Variants in ZKSCAN3 observed in about 807,000 individuals in gnomAD.
ZKSCAN3 encodes the protein zinc finger with KRAB and SCAN domains 3.
A neutral mutation model predicts 30.7 loss-of-function variants in ZKSCAN3; 21 were observed. The ratio of observed to expected loss-of-function variants is 0.68; its 90% CI spans 0.49 to 0.99. The LOEUF (loss-of-function observed/expected upper bound fraction) is 0.99. Among genes scored for constraint, ZKSCAN3 ranks in the 50% least tolerant of loss-of-function variants. ZKSCAN3 has a pLI of 0.00. For synonymous variants in ZKSCAN3, 201 were observed against 246.7 expected, an observed-to-expected ratio of 0.81 and a Z score of 1.73; for missense variants, 507 against 647.1, an observed-to-expected ratio of 0.78 and a Z score of 2.35.
chr6:28,353,132 C>A (rs1765169799), intron 1 of ZKSCAN3, among the ~76,000 whole-genome samples: 1 of 151,994 alleles, frequency 6.6e-6, no homozygotes, highest in Non-Finnish European at 1.5e-5. Flanking sequence ...TCACGCCCAG[C>A]TAATTTTTGT....
At chr6:28,365,194 T>C (rs1765909637) in intron 5 of ZKSCAN3, among the ~76,000 whole-genome samples, 1 of 152,184 alleles carries the variant, frequency 6.6e-6, no homozygotes, top group African/African-American at 2.4e-5. Context: ...CACCGTCTTC[T>C]ACCCACTCCC....
rs530750921 is a variant in ZKSCAN3 at position 28,365,989 on chromosome 6, C to T, written c.1321C>T (p.Leu441Phe). ...CGKAFRRSSHLLRHQRIHTGD... is the reference protein window; with the variant it reads ...CGKAFRRSSHFLRHQRIHTGD... Reference sequence around the variant, plus strand: ...CAAAGCCTTTAGGCGAAGTTCACATCTCCTGAGACATCAGAGGATCCATAC... The same window carrying T: ...CAAAGCCTTTAGGCGAAGTTCACATTTCCTGAGACATCAGAGGATCCATAC... The change falls in exon 6 of 6, where the codon CTC becomes TTC. Residue 441 changes from leucine to phenylalanine, a missense_variant. Transcript: ENST00000252211. 2 of 1,614,152 alleles carry T rather than the reference C, an allele frequency of 1.2e-6. No homozygotes were observed. Among genetic ancestry groups the T allele is most frequent in the African/African-American group, 2.7e-5 (2 of 75,062 alleles).
intron 4 of ZKSCAN3, 76 bp from the exon 5 acceptor site, chr6:28,363,616 G>A: frequency 6.2e-7 from 1 of 1,600,018 alleles, no homozygotes; most frequent in Non-Finnish European, 8.5e-7. Flanking sequence ...AATGGGGCCT[G>A]GGGGTGCTTC....
rs944370999 is a variant in ZKSCAN3, at chr6:28,351,746, C to T, written c.-63+1679C>T. Among the ~76,000 whole-genome samples the T allele has an allele frequency of 6.6e-6, 1 of 151,140 alleles. No homozygotes were observed. On this transcript the variant is annotated intron_variant, in intron 1 of 5. Transcript: ENST00000252211. The surrounding 1 kb of genome is among the most constrained non-coding windows in gnomAD (Gnocchi z 4.6). The stretch of plus-strand genomic sequence containing the variant: ...CCTTTCCTTCCCTCCCTCTCCCCCT[C>T]TTTATCTCTTTTTTTTCCTCATTTC...
chr6:28,358,105 C>CTTT (rs1244559519), intron 1 of ZKSCAN3, among the ~76,000 whole-genome samples: 1 of 152,032 alleles, frequency 6.6e-6, no homozygotes, highest in Non-Finnish European at 1.5e-5. Context: ...CCGGGATCCC[C>CTTT]AATGATACCA....
intron 1 of ZKSCAN3, among the ~76,000 whole-genome samples, chr6:28,350,790 T>C (rs1202708051): frequency 6.6e-6 from 1 of 152,184 alleles, no homozygotes; most frequent in African/African-American, 2.4e-5. Context: ...TAAGATACTC[T>C]GAAAAAGAGC....
rs1296433872 is a variant in ZKSCAN3, at chr6:28,366,244, C to T, written c.1576C>T (p.His526Tyr). ...CACCCGAATTTCATACCTTGTTCAACATCAGAGAAGCCATGTAGGGAAAAA... is the reference window on the plus strand; with the variant it reads ...CACCCGAATTTCATACCTTGTTCAATATCAGAGAAGCCATGTAGGGAAAAA... The part of the protein sequence containing the change: ...GFTRISYLVQ[H>Y]QRSHVGKNIL... Residue 526 changes from histidine to tyrosine, a missense_variant, in exon 6 of 6, where the codon CAT (histidine) becomes TAT (tyrosine). Transcript: ENST00000252211. 6.4e-7 allele frequency: 1 copy of T among 1,551,644 alleles called. No individual in the cohort carries two copies. The highest frequency in any genetic ancestry group is 8.7e-7 in the Non-Finnish European group (1 of 1,154,534).
upstream of ZKSCAN3, chr6:28,349,888 C>T (rs957952860): frequency 2.6e-5 from 4 of 152,242 alleles, no homozygotes; most frequent in Non-Finnish European, 1.5e-5. The surrounding 1 kb of genome is among the most constrained non-coding windows in gnomAD (Gnocchi z 4.1). Context: ...CAGAGTCTGT[C>T]AGGGAGGTGG....
chr6:28,356,594 T>A (rs1328514397), intron 1 of ZKSCAN3, among the ~76,000 whole-genome samples: 5 of 152,244 alleles, frequency 3.3e-5, no homozygotes, highest in Non-Finnish European at 5.9e-5. Flanking sequence ...CTCTATTTTC[T>A]GGCAGACCAC....
intron 1 of ZKSCAN3, among the ~76,000 whole-genome samples, chr6:28,358,305 C>T (rs1765559216): frequency 1.3e-5 from 2 of 152,186 alleles, no homozygotes; most frequent in Non-Finnish European, 2.9e-5. Context: ...CTGCCTCTTC[C>T]TCCTGAGTAG....
rs1238486432 is a variant in ZKSCAN3, at chr6:28,366,203, C to A, written c.1535C>A (p.Ala512Glu). 1 of 1,588,150 alleles carries A rather than the reference C, an allele frequency of 6.3e-7. No homozygotes were observed. Among genetic ancestry groups the A allele is most frequent in the East Asian group, 2.2e-5 (1 of 44,796 alleles). Residue 512 changes from alanine (A) to glutamate (E), a missense_variant, in exon 6 of 6, where the codon GCG becomes GAG. By Grantham distance (107) the Ala-to-Glu change is moderately radical. Transcript: ENST00000252211. ...HTGEKPYQCN[A>E]CGKGFTRISY... is the part of the protein sequence containing the mutation. ...GGTGAGAAACCCTATCAGTGTAATGCGTGTGGAAAAGGCTTCACCCGAATT... is the reference window on the plus strand; with the variant it reads ...GGTGAGAAACCCTATCAGTGTAATGAGTGTGGAAAAGGCTTCACCCGAATT...
Position 28,365,818 on chromosome 6 carries a change from G to T in ZKSCAN3, c.1150G>T (p.Asp384Tyr). ...TGGTAAGGCCTTCAGTCATAGCTCA[G>T]ACCTTATCAAGCATCAGAGAACCCA... ...ECGKAFSHSSDLIKHQRTHTG... is the reference protein window; with the variant it reads ...ECGKAFSHSSYLIKHQRTHTG... Residue 384 changes from aspartate to tyrosine, a missense_variant, in exon 6 of 6, where the codon GAC becomes TAC. Physicochemically the swap from Asp to Tyr is radical, Grantham distance 160. Transcript: ENST00000252211. The T allele has an allele frequency of 6.2e-7, 1 of 1,614,126 alleles. No homozygotes were observed. The highest frequency in any genetic ancestry group is 2.2e-5 in the East Asian group (1 of 44,852).
At chr6:28,356,102 G>A (rs1247611746) in intron 1 of ZKSCAN3, 1 of 152,244 alleles carries the variant, frequency 6.6e-6, no homozygotes, top group Non-Finnish European at 1.5e-5. Flanking sequence ...TCAGGTTTAG[G>A]GACCAGTGGC....
At chr6:28,350,857 C>A (rs1764961184) in intron 1 of ZKSCAN3, among the ~76,000 whole-genome samples, 1 of 152,126 alleles carries the variant, frequency 6.6e-6, no homozygotes, top group Non-Finnish European at 1.5e-5. Context: ...TACTCAAACT[C>A]TCAAAGGCTT....
intron 3 of ZKSCAN3, among the ~76,000 whole-genome samples, chr6:28,362,859 A>G (rs996287378): frequency 3.9e-5 from 6 of 152,182 alleles, no homozygotes; most frequent in African/African-American, 1.4e-4. Flanking sequence ...CTAAGGACAT[A>G]CTCACCCAAA....
chr6:28,352,788 T>A (rs1765125947), intron 1 of ZKSCAN3, among the ~76,000 whole-genome samples: 2 of 152,154 alleles, frequency 1.3e-5, no homozygotes, highest in Non-Finnish European at 2.9e-5. Context: ...TTTCTGGTAC[T>A]TTTGATTTGT....
At chr6:28,357,009 C>T (rs1765476654) in intron 1 of ZKSCAN3, among the ~76,000 whole-genome samples, 1 of 152,240 alleles carries the variant, frequency 6.6e-6, no homozygotes, top group African/African-American at 2.4e-5. Context: ...ACTCGAGAGA[C>T]AGCAGGTAGA....
chr6:28,358,467 AT>A (rs916763311), intron 1 of ZKSCAN3, among the ~76,000 whole-genome samples: 146 of 151,056 alleles, frequency 9.7e-4, no homozygotes, highest in African/African-American at 2.3e-3. Context: ...TGTTTTTGTT[AT>A]TTTTTTTTCC....
In ZKSCAN3 at chr6:28,351,275, A is replaced by C. The variant is rs1006480822; in HGVS notation, c.-63+1208A>C. Among the ~76,000 whole-genome samples, 2 of 152,174 alleles carry C rather than the reference A, an allele frequency of 1.3e-5. No homozygotes were observed. Among genetic ancestry groups the C allele is most frequent in the African/African-American group, 4.8e-5 (2 of 41,434 alleles). ...GAAACCTAAATGGAGTTTGTGGAATAAATGATATAAATGTATCAGTGTTGT... is the reference window on the plus strand; with the variant it reads ...GAAACCTAAATGGAGTTTGTGGAATCAATGATATAAATGTATCAGTGTTGT... On this transcript the variant is annotated intron_variant, in intron 1 of 5. Coordinates refer to ENST00000252211, the MANE Select transcript of ZKSCAN3 (RefSeq NM_024493.4). This position sits in a 1 kb window ranked among gnomAD's most constrained non-coding sequence, Gnocchi z 4.6.
Sources: allele counts gnomAD v4.1 joint callset (sites outside exome capture counted in the v4.1 genomes callset), GRCh38; gene constraint gnomAD v4.1.1; non-coding constraint Gnocchi (gnomAD v3.1); transcripts MANE v1.5; gene names NCBI Gene and HGNC (gene_info 2026-07-23, HGNC 2026-07-21).